The following IL3RA variants were observed in gnomAD, a reference collection of about 807,000 sequenced individuals.
IL3RA encodes the protein interleukin-3 receptor subunit alpha.
A neutral mutation model predicts 52.3 loss-of-function variants in IL3RA; 73 were observed. The observed-to-expected ratio is 1.40, with a 90% confidence interval of 1.16 to 1.70. IL3RA has a LOEUF of 1.70. IL3RA is among the 40% of genes most tolerant of loss of function. IL3RA has a pLI of 0.00. For missense variants in IL3RA, 664 were observed against 504.4 expected, an observed-to-expected ratio of 1.32 and a Z score of -3.03; for synonymous variants, 260 against 194.0, an observed-to-expected ratio of 1.34 and a Z score of -2.83.
At chrX:1,353,819 G>A (rs767533361) in intron 6 of IL3RA, among the ~76,000 whole-genome samples, 5 of 123,436 alleles carry the variant, frequency 4.1e-5, no homozygotes, top group South Asian at 2.6e-4. Flanking sequence ...CCCCCATCAC[G>A]GGTTCCATCA....
At chrX:1,379,407 C>T (rs28409821) in intron 10 of IL3RA, among the ~76,000 whole-genome samples, 1,633 of 152,288 alleles carry the variant, frequency 0.011, 33 homozygotes, top group African/African-American at 0.037. Flanking sequence ...CCCCCAGCCT[C>T]GGCCTCCCAA....
At chrX:1,377,723 TGG>T (rs2088877386) in intron 9 of IL3RA, among the ~76,000 whole-genome samples, 1 of 147,060 alleles carries the variant, frequency 6.8e-6, no homozygotes, top group Non-Finnish European at 1.5e-5. Context: ...TGGAGGGCAG[TGG>T]CGCGATCACG....
chrX:1,382,525 G>A lies in IL3RA; in HGVS notation c.*60G>A. On this transcript the variant is annotated 3_prime_UTR_variant, in exon 12 of 12. Coordinates refer to ENST00000331035, the MANE Select transcript of IL3RA (RefSeq NM_002183.4). ...ATCTCCCTGGCCGGGCCAGGCGCCT[G>A]CACAGACTGGCTGCTGGACCTGCGC... is the stretch of plus-strand genomic sequence containing the variant. 1 of 1,468,720 alleles carries A rather than the reference G, an allele frequency of 6.8e-7. No individual in the cohort carries two copies. Among genetic ancestry groups the A allele is most frequent in the Non-Finnish European group, 9.5e-7 (1 of 1,047,500 alleles). 91.0% of individuals were successfully genotyped at this position (1,468,720 alleles called of 1,614,324 possible).
At chrX:1,350,984 A>G (rs1393015920) in intron 4 of IL3RA, among the ~76,000 whole-genome samples, 1 of 151,960 alleles carries the variant, frequency 6.6e-6, no homozygotes, top group Non-Finnish European at 1.5e-5. Context: ...AGGCGGGTGG[A>G]TCACTTGAGG....
Position 1,348,633 on chromosome X carries a change from C to CT in IL3RA, c.298+92dup, listed in dbSNP as rs1295961973. ...CTCTCGCCTTCGCTGTGTCTTTTTT[C>CT]TTTTCTTTTTCTCTTTCTTTCTTTC... On this transcript the variant is annotated intron_variant, in intron 4 of 11. Coordinates refer to ENST00000331035, the MANE Select transcript of IL3RA (RefSeq NM_002183.4). 1.5e-5 allele frequency: 12 copies of CT among 789,754 alleles called. No individual in the cohort carries two copies. In the African/African-American group the frequency reaches 1.5e-4, roughly 10 times the overall value. The allele number at this position is 789,754 out of a possible 1,614,324, so 48.9% of individuals were successfully genotyped here. A position where few individuals can be genotyped will look rare whatever the true frequency, so the allele number is the denominator to read the frequency against.
intron 2 of IL3RA, among the ~76,000 whole-genome samples, chrX:1,342,073 T>C (rs1159121473): frequency 6.6e-6 from 1 of 152,134 alleles, no homozygotes; most frequent in South Asian, 2.1e-4. Context: ...ACAGATGCCA[T>C]GTGAGGTGTT....
In IL3RA at chrX:1,345,893, C is replaced by T. The variant is rs369594710; in HGVS notation, c.183+459C>T. 5.3e-5 allele frequency among the ~76,000 whole-genome samples: 8 copies of T among 152,028 alleles called. No individual in the cohort carries two copies. The East Asian group carries it at 5.8e-4, about 11-fold the overall frequency. ...TGTCATGACTACCTGGTTTCTGCCC[C>T]GAAGTCAGGTGTGGGATTTGAAGTG... On this transcript the variant is annotated intron_variant, in intron 3 of 11. Transcript: ENST00000331035.
At chrX:1,366,170 AGCGGGGTGC>A (rs2088008082) in intron 9 of IL3RA, among the ~76,000 whole-genome samples, 1 of 5,894 alleles carries the variant, frequency 1.7e-4, no homozygotes, top group Non-Finnish European at 2.4e-4. Flanking sequence ...GCGCGGGGTG[AGCGGGGTGC>A]GCGGGGTGCG....
In IL3RA at chrX:1,381,756, A is replaced by C. The variant is rs372886574; in HGVS notation, c.1063-635A>C. Among the ~76,000 whole-genome samples the C allele has an allele frequency of 2.7e-3, 410 of 150,634 alleles. 1 individual carries two copies. Among genetic ancestry groups the C allele is most frequent in the African/African-American group, 9.4e-3 (387 of 41,092 alleles). ...ACGGGGTTTCACCATGTTGGCCAGGATGGTCTCGATCTCCTGACCTTGTGA... is the reference window on the plus strand; with the variant it reads ...ACGGGGTTTCACCATGTTGGCCAGGCTGGTCTCGATCTCCTGACCTTGTGA... On this transcript the variant is annotated intron_variant, in intron 11 of 11. Coordinates refer to ENST00000331035, the MANE Select transcript of IL3RA (RefSeq NM_002183.4).
At chrX:1,364,254 G>A (rs1476961203) in intron 8 of IL3RA, among the ~76,000 whole-genome samples, 18 of 151,868 alleles carry the variant, frequency 1.2e-4, no homozygotes, top group Admixed American at 3.3e-4. Flanking sequence ...CACTTTGGGA[G>A]GCTGAGGCGG....
Position 1,378,669 on chromosome X carries a change from G to A in IL3RA, c.885G>A (p.Gln295=), listed in dbSNP as rs763933242. ...ACCCTTTACCCCTAGAGTGCGACCA[G>A]GAGGAGGGCGCAAACACACGTGCCT... ...WSTPQRFECD[Q]EEGANTRAWR... is the part of the protein sequence containing the mutation. The change falls in exon 10 of 12, where the codon CAG becomes CAA. Residue 295 remains glutamine (Q), a synonymous_variant. Transcript: ENST00000331035. 59 of 1,612,298 alleles carry A rather than the reference G, an allele frequency of 3.7e-5. No individual in the cohort carries two copies. Among genetic ancestry groups the A allele is most frequent in the South Asian group, 1.1e-4 (10 of 91,016 alleles).
In IL3RA at chrX:1,365,192, A is replaced by G. The variant is rs367902445; in HGVS notation, c.814A>G (p.Ile272Val). Residue 272 changes from isoleucine (I) to valine (V), a missense_variant, in exon 9 of 12, where the codon ATA becomes GTA. Physicochemically the swap from Ile to Val is conservative, Grantham distance 29. Coordinates refer to ENST00000331035, the MANE Select transcript of IL3RA (RefSeq NM_002183.4). ...LLNPGTYTVQ[I>V]RARERVYEFL... ...CAATCCTGGAACGTACACAGTACAA[A>G]TAAGAGCCCGGGAAAGAGTGTATGA... 127 of 1,611,214 alleles carry G rather than the reference A, an allele frequency of 7.9e-5. No individual in the cohort carries two copies. Among genetic ancestry groups the G allele is most frequent in the African/African-American group, 6.7e-5 (5 of 74,864 alleles).
chrX:1,353,634 C>G lies in IL3RA; in HGVS notation c.616+1128C>G. On this transcript the variant is annotated intron_variant, in intron 6 of 11. Coordinates refer to ENST00000331035, the MANE Select transcript of IL3RA (RefSeq NM_002183.4). ...TCCCATCATGGGTCATGGGACCCCC[C>G]CCATCATGGGTTCCATCACGGGTCA... 2.1e-5 allele frequency among the ~76,000 whole-genome samples: 2 copies of G among 94,722 alleles called. 1 individual carries two copies. Among genetic ancestry groups the G allele is most frequent in the Non-Finnish European group, 4.5e-5 (2 of 44,382 alleles). The allele number at this position is 94,722 out of a possible 152,430, so 62.1% of individuals were successfully genotyped here.
chrX:1,357,328 T>G (rs1175990311), intron 7 of IL3RA, among the ~76,000 whole-genome samples: 1 of 151,508 alleles, frequency 6.6e-6, no homozygotes, highest in Non-Finnish European at 1.5e-5. Context: ...GACGGAGTCC[T>G]GCTCTGTCAC....
intron 8 of IL3RA, among the ~76,000 whole-genome samples, chrX:1,361,624 G>A (rs1184872888): frequency 4.0e-5 from 6 of 151,824 alleles, no homozygotes; most frequent in Non-Finnish European, 8.8e-5. Flanking sequence ...GTGGTGGCAG[G>A]CGCCTGTGGT....
At chrX:1,364,132 G>C (rs2087723522) in intron 8 of IL3RA, among the ~76,000 whole-genome samples, 1 of 151,220 alleles carries the variant, frequency 6.6e-6, no homozygotes, top group Non-Finnish European at 1.5e-5. Context: ...AGCTTGCAGT[G>C]AGCCGAGATC....
chrX:1,360,660 AG>A (rs1350832674), intron 8 of IL3RA, among the ~76,000 whole-genome samples: 1 of 150,138 alleles, frequency 6.7e-6, no homozygotes, highest in Non-Finnish European at 1.5e-5. Context: ...CTGGGATTAC[AG>A]GCACTCGCCA....
In IL3RA at chrX:1,365,241, C is replaced by G; in HGVS notation, c.863C>G (p.Pro288Arg). ...GAATTCTTGAGCGCCTGGAGCACCC[C>G]CCAGCGCTTCGGTGAGTGGGCTGTG... The part of the protein sequence containing the change: ...VYEFLSAWST[P>R]QRFECDQEEG... Residue 288 changes from proline to arginine, a missense_variant, in exon 9 of 12, where the codon CCC becomes CGC. By Grantham distance (103) the Pro-to-Arg change is moderately radical (BLOSUM62 -2). Transcript: ENST00000331035. The G allele has an allele frequency of 6.2e-7, 1 of 1,602,910 alleles. No individual in the cohort carries two copies. Among genetic ancestry groups the G allele is most frequent in the Non-Finnish European group, 8.5e-7 (1 of 1,173,844 alleles).
At chrX:1,348,359 A>C in intron 3 of IL3RA, 72 bp from the exon 4 acceptor site, 2 of 1,251,974 alleles carry the variant, frequency 1.6e-6, no homozygotes, top group Non-Finnish European at 2.4e-6. Flanking sequence ...GCCTCAAAAA[A>C]AATCTGAACA....
Sources: allele counts gnomAD v4.1 joint callset (sites outside exome capture counted in the v4.1 genomes callset), GRCh38; gene constraint gnomAD v4.1.1; transcripts MANE v1.5; gene names NCBI Gene and HGNC (gene_info 2026-07-23, HGNC 2026-07-21).